Variants in CMTR1 observed in about 807,000 individuals in gnomAD.
CMTR1 encodes cap-specific mRNA (nucleoside-2'-O-)-methyltransferase 1.
In CMTR1, 39 loss-of-function variants were observed where a neutral mutation model predicts 107.0. The observed-to-expected ratio is 0.36, with a 90% confidence interval of 0.28 to 0.48. The LOEUF (loss-of-function observed/expected upper bound fraction) is 0.48, where lower values mean the gene tolerates loss of function less well. Ranked by LOEUF, CMTR1 falls within the 20% of genes least tolerant of loss-of-function variation. The pLI, the probability that CMTR1 is intolerant of heterozygous loss-of-function variation, is 0.99. For missense variants in CMTR1, 672 were observed against 1,064.9 expected, an observed-to-expected ratio of 0.63 and a Z score of 5.14; for synonymous variants, 366 against 379.5, an observed-to-expected ratio of 0.96 and a Z score of 0.41.
chr6:37,473,344 G>A, intron 16 of CMTR1, 126 bp from the exon 17 acceptor site: 1 of 978,134 alleles, frequency 1.0e-6, no homozygotes, highest in Non-Finnish European at 1.5e-6. Flanking sequence ...GGGGTGCAGG[G>A]GAGCATATTT....
Position 37,472,146 on chromosome 6 carries a change from C to T in CMTR1, c.1620+242C>T, listed in dbSNP as rs181392511. On this transcript the variant is annotated intron_variant, in intron 15 of 23. Transcript: ENST00000373451. The surrounding 1 kb of genome is among the most constrained non-coding windows in gnomAD (Gnocchi z 4.1). Reference sequence around the variant, plus strand: ...AGGGGTGGGGTGTGGGGAGGTGGGCCGGTGTCAGTTTTGCAACTGGTGGCC... The same window carrying T: ...AGGGGTGGGGTGTGGGGAGGTGGGCTGGTGTCAGTTTTGCAACTGGTGGCC... 2.0e-3 allele frequency among the ~76,000 whole-genome samples: 300 copies of T among 152,218 alleles called. No homozygotes were observed. Among genetic ancestry groups the T allele is most frequent in the African/African-American group, 6.9e-3 (285 of 41,534 alleles).
intron 12 of CMTR1, among the ~76,000 whole-genome samples, 170 bp from the exon 13 acceptor site, chr6:37,462,659 G>T (rs763098690): frequency 4.6e-5 from 7 of 152,198 alleles, no homozygotes; most frequent in Non-Finnish European, 1.0e-4. Flanking sequence ...AACAGAGAAG[G>T]ATTTGAGGGG....
chr6:37,438,700 A>G (rs776985333), intron 2 of CMTR1, among the ~76,000 whole-genome samples: 4 of 152,234 alleles, frequency 2.6e-5, no homozygotes, highest in Non-Finnish European at 4.4e-5. Context: ...AAGAAGCTTA[A>G]AATGCGTCAC....
At position 37,480,256 on chromosome 6, in the gene CMTR1, T is replaced by C. The variant is rs1489035375; in HGVS notation, c.*111T>C. 1.1e-5 allele frequency: 17 copies of C among 1,513,738 alleles called. No individual in the cohort carries two copies. The highest frequency in any genetic ancestry group is 4.9e-5 in the Admixed American group (2 of 40,834). The allele number at this position is 1,513,738 out of a possible 1,614,324, so 93.8% of individuals were successfully genotyped here. On this transcript the variant is annotated 3_prime_UTR_variant, in exon 24 of 24. Transcript: ENST00000373451. ...CCTCTTGAAAAGGGACTGGGGAGCA[T>C]TGCACCTGGCATGAGGAGTGGGTGG...
intron 2 of CMTR1, chr6:37,436,526 G>C (rs1199958941): frequency 6.6e-6 from 1 of 152,232 alleles, no homozygotes; most frequent in African/African-American, 2.4e-5. Context: ...TCAAAGTGTT[G>C]GTGGGGCCAT....
At chr6:37,465,682 GAC>G (rs1300132859) in intron 13 of CMTR1, among the ~76,000 whole-genome samples, 9 of 152,182 alleles carry the variant, frequency 5.9e-5, no homozygotes, top group African/African-American at 2.2e-4. Flanking sequence ...TTTTAGTAGA[GAC>G]AGGTTACAGC....
Position 37,479,185 on chromosome 6 carries a change from A to T in CMTR1, c.2305A>T (p.Lys769Ter), listed in dbSNP as rs1761805245. Residue 769 changes from lysine (K) to a stop codon, truncating the protein, a stop_gained, in exon 23 of 24, where the codon AAG becomes TAG. Transcript: ENST00000373451. LOFTEE classifies it high-confidence loss of function. ...GGGATTCAGCAAAAGCTTCAAGAAG[A>T]AGTTCTTCTACAACAAGAAAACCAA... ...TMGFSKSFKK[K>*]FFYNKKTKDS... The T allele has an allele frequency of 2.5e-6, 4 of 1,614,040 alleles. No homozygotes were observed. The highest frequency in any genetic ancestry group is 1.6e-4 in the Middle Eastern group (1 of 6,084).
At chr6:37,459,481 G>A (rs962767567) in intron 9 of CMTR1, 85 bp from the exon 10 acceptor site, 9 of 1,131,488 alleles carry the variant, frequency 8.0e-6, no homozygotes, top group Admixed American at 5.1e-5. Flanking sequence ...CCTGATGCCC[G>A]TCTTCACTGA....
intron 2 of CMTR1, 25 bp from the exon 3 acceptor site, chr6:37,443,974 A>G (rs1771727570): frequency 6.2e-7 from 1 of 1,611,118 alleles, no homozygotes; most frequent in African/African-American, 1.3e-5. Context: ...AAACCTACCT[A>G]AACATTTTCC....
chr6:37,472,812 G>A lies in CMTR1; in HGVS notation c.1689+325G>A, dbSNP rs767720626. Among the ~76,000 whole-genome samples the A allele has an allele frequency of 4.6e-5, 7 of 152,264 alleles. No homozygotes were observed. Among genetic ancestry groups the A allele is most frequent in the African/African-American group, 1.4e-4 (6 of 41,478 alleles). On this transcript the variant is annotated intron_variant, in intron 16 of 23. Transcript: ENST00000373451. This position sits in a 1 kb window ranked among gnomAD's most constrained non-coding sequence, Gnocchi z 4.1. ...TTTGCCTACAAAGGAGACATAGAGT[G>A]TGGGATGATCTTAGGCAAGGGAGCT...
rs898554724 is a variant in CMTR1 at position 37,472,598 on chromosome 6, C to T, written c.1689+111C>T. 6.3e-5 allele frequency: 69 copies of T among 1,090,140 alleles called. No individual in the cohort carries two copies. Among genetic ancestry groups the T allele is most frequent in the Non-Finnish European group, 9.4e-5 (67 of 712,816 alleles). The allele number at this position is 1,090,140 out of a possible 1,614,324, so 67.5% of individuals were successfully genotyped here. Reference sequence around the variant, plus strand: ...TCTCCAGAGGGCTTGTGCAGATGCCCACCATGGGCTCTAAGGGGCGGAGCT... The same window carrying T: ...TCTCCAGAGGGCTTGTGCAGATGCCTACCATGGGCTCTAAGGGGCGGAGCT... On this transcript the variant is annotated intron_variant, in intron 16 of 23. Transcript: ENST00000373451. The surrounding 1 kb of genome is among the most constrained non-coding windows in gnomAD (Gnocchi z 4.1).
chr6:37,471,099 G>A (rs747351090), intron 14 of CMTR1, 22 bp downstream of exon 14: 1 of 1,570,852 alleles, frequency 6.4e-7, no homozygotes. Flanking sequence ...CCACTTTTCA[G>A]AAACCACCTA....
At chr6:37,470,012 T>C (rs539956257) in intron 13 of CMTR1, among the ~76,000 whole-genome samples, 4 of 152,182 alleles carry the variant, frequency 2.6e-5, no homozygotes, top group African/African-American at 7.2e-5. Context: ...TTTCCTCTAC[T>C]ATGTTCAGTC....
chr6:37,450,774 T>C (rs1402662822), intron 5 of CMTR1, among the ~76,000 whole-genome samples: 1 of 152,232 alleles, frequency 6.6e-6, no homozygotes, highest in African/African-American at 2.4e-5. Context: ...CAAATCAATA[T>C]GGTCTAGAGG....
At chr6:37,427,082 C>T in the CMTR1 span, among the ~76,000 whole-genome samples, 22 of 152,268 alleles carry the variant, frequency 1.4e-4, no homozygotes, top group Non-Finnish European at 3.1e-4. This position sits in a 1 kb window ranked among gnomAD's most constrained non-coding sequence, Gnocchi z 4.4. Flanking sequence ...ACATGTGCAC[C>T]GCTGTCTGCC....
chr6:37,437,180 A>G (rs1771547754), intron 2 of CMTR1, among the ~76,000 whole-genome samples: 1 of 151,464 alleles, frequency 6.6e-6, no homozygotes, highest in South Asian at 2.1e-4. Context: ...ATAAATTTGT[A>G]AACTTTCTTA....
chr6:37,426,918 A>C, the CMTR1 span, among the ~76,000 whole-genome samples: 1 of 152,148 alleles, frequency 6.6e-6, no homozygotes, highest in South Asian at 2.1e-4. Context: ...ACAAATGGGG[A>C]AAGTTGCAAC....
In CMTR1 at chr6:37,459,602, G is replaced by C. The variant is rs199815717; in HGVS notation, c.1013G>C (p.Arg338Pro). The change falls in exon 10 of 24, where the codon CGC (arginine) becomes CCC (proline). Residue 338 changes from arginine (R) to proline (P), a missense_variant. Coordinates refer to ENST00000373451, the MANE Select transcript of CMTR1 (RefSeq NM_015050.3). Reference sequence around the variant, plus strand: ...ATTGATGGAGATGGAGATATCACCCGCCCAGAGAACATCTCTGCTTTTCGG... The same window carrying C: ...ATTGATGGAGATGGAGATATCACCCCCCCAGAGAACATCTCTGCTTTTCGG... ...GGIDGDGDIT[R>P]PENISAFRNF... The C allele has an allele frequency of 6.2e-7, 1 of 1,614,102 alleles. No individual in the cohort carries two copies. Among genetic ancestry groups the C allele is most frequent in the Admixed American group, 1.7e-5 (1 of 60,016 alleles).
intron 8 of CMTR1, among the ~76,000 whole-genome samples, chr6:37,457,248 G>C (rs571109916): frequency 6.6e-4 from 100 of 151,798 alleles, no homozygotes; most frequent in African/African-American, 2.3e-3. Context: ...AACCTGGGGA[G>C]AGAGAGCGAA....
Sources: gnomAD v4.1 joint callset for allele counts (sites outside exome capture counted in the v4.1 genomes callset) on GRCh38, gnomAD v4.1.1 for gene constraint, Gnocchi (gnomAD v3.1) non-coding constraint, MANE v1.5 for transcripts, NCBI Gene and HGNC (gene_info 2026-07-23, HGNC 2026-07-21) for gene names.